The following EYS variants were observed in gnomAD, a reference collection of about 807,000 sequenced individuals.
The protein encoded by EYS is EGF-like photoreceptor maintenance factor.
In EYS, 250 loss-of-function variants were observed where a neutral mutation model predicts 282.1. The ratio of observed to expected loss-of-function variants is 0.89; its 90% confidence interval spans 0.80 to 0.98. The LOEUF is 0.98. Among genes scored for constraint, EYS ranks in the 50% least tolerant of loss-of-function variants. EYS has a pLI of 0.00. For synonymous variants in EYS, 1,355 were observed against 1,282.9 expected (o/e 1.06, Z -1.20); for missense variants, 4,016 against 3,709.0 (o/e 1.08, Z -2.15).
At position 64,254,452 on chromosome 6, in the gene EYS, G is replaced by A. The variant is rs149430660; in HGVS notation, c.6192-23628C>T. 4.8e-3 allele frequency among the ~76,000 whole-genome samples: 733 copies of A among 152,078 alleles called. 2 individuals carry two copies. The highest frequency in any genetic ancestry group is 0.01 in the Middle Eastern group (3 of 294). On this transcript the variant is annotated intron_variant, in intron 30 of 42. Transcript: ENST00000503581. The stretch of plus-strand genomic sequence containing the variant: ...TACTACATCAATGGGGCCCCTCTGC[G>A]CTCTGTATTTTAGACTATTTGGCCC...
At chr6:64,728,451 T>C (rs1039253676) in intron 22 of EYS, among the ~76,000 whole-genome samples, 10 of 152,138 alleles carry the variant, frequency 6.6e-5, no homozygotes, top group South Asian at 6.2e-4. Context: ...TCTCCTGCCT[T>C]AGCCTCCTGA....
At chr6:64,614,943 G>T (rs1767224798) in intron 24 of EYS, among the ~76,000 whole-genome samples, 1 of 152,124 alleles carries the variant, frequency 6.6e-6, no homozygotes, top group South Asian at 2.1e-4. Flanking sequence ...ATACTGCAAC[G>T]TCCAGTGTTG....
At chr6:65,246,031 G>A (rs77326191) in intron 12 of EYS, among the ~76,000 whole-genome samples, 6,353 of 152,088 alleles carry the variant, frequency 0.042, 405 homozygotes, top group African/African-American at 0.14. Context: ...CCCTAGTACA[G>A]TAGACAGGAA....
chr6:64,880,583 C>A (rs1271664226), intron 19 of EYS, among the ~76,000 whole-genome samples: 1 of 151,386 alleles, frequency 6.6e-6, no homozygotes, highest in Admixed American at 6.6e-5. Flanking sequence ...ACCTAATCAA[C>A]TTTTTCCGTA....
chr6:64,670,346 A>G (rs1057073563), intron 22 of EYS, among the ~76,000 whole-genome samples: 1 of 151,934 alleles, frequency 6.6e-6, no homozygotes, highest in African/African-American at 2.4e-5. Context: ...CGAAGTCTAC[A>G]TTGCCTGATT....
At chr6:64,441,985 T>C (rs183524361) in intron 26 of EYS, among the ~76,000 whole-genome samples, 269 of 152,246 alleles carry the variant, frequency 1.8e-3, no homozygotes, top group African/African-American at 6.3e-3. Context: ...AATGTGGAAT[T>C]GACTTTGGAA....
intron 36 of EYS, among the ~76,000 whole-genome samples, chr6:63,826,126 G>A (rs1483039463): frequency 6.6e-6 from 1 of 152,092 alleles, no homozygotes; most frequent in Non-Finnish European, 1.5e-5. Context: ...CAATAGAATT[G>A]AACAAGTAGA....
chr6:65,704,224 G>C (rs1423940987), intron 1 of EYS, among the ~76,000 whole-genome samples: 1 of 152,140 alleles, frequency 6.6e-6, no homozygotes, highest in Non-Finnish European at 1.5e-5. Context: ...CACAAATACA[G>C]TGCATAGCAC....
intron 5 of EYS, among the ~76,000 whole-genome samples, chr6:65,410,893 T>A (rs1199159662): frequency 6.6e-6 from 1 of 151,988 alleles, no homozygotes; most frequent in Admixed American, 6.6e-5. Context: ...CTGCTATTTG[T>A]GAGAAGGATG....
intron 5 of EYS, among the ~76,000 whole-genome samples, chr6:65,471,473 T>G (rs2127240707): frequency 6.6e-6 from 1 of 152,206 alleles, no homozygotes; most frequent in Middle Eastern, 3.4e-3. Context: ...TCTGGGATTG[T>G]TTTTTATATT....
chr6:65,289,461 C>T (rs1399957181), intron 12 of EYS, among the ~76,000 whole-genome samples: 1 of 151,050 alleles, frequency 6.6e-6, no homozygotes, highest in Non-Finnish European at 1.5e-5. Flanking sequence ...TTGAGGACTA[C>T]TCCCAAATAT....
intron 35 of EYS, among the ~76,000 whole-genome samples, chr6:63,891,927 T>C (rs1562082358): frequency 1.3e-5 from 2 of 152,198 alleles, no homozygotes. Flanking sequence ...AGCATTCCTA[T>C]ACACCAATAA....
chr6:64,392,910 A>G (rs1337809873), intron 28 of EYS, among the ~76,000 whole-genome samples: 2 of 152,144 alleles, frequency 1.3e-5, no homozygotes, highest in East Asian at 3.9e-4. Flanking sequence ...AAGAGAGAAG[A>G]ATCAAATAGA....
At chr6:63,992,546 T>C (rs1333765543) in intron 34 of EYS, among the ~76,000 whole-genome samples, 5 of 151,808 alleles carry the variant, frequency 3.3e-5, no homozygotes, top group Admixed American at 2.0e-4. Context: ...GTATGTGATA[T>C]TGAAGTTATT....
At chr6:65,326,439 T>C (rs1157191866) in intron 11 of EYS, among the ~76,000 whole-genome samples, 1 of 151,458 alleles carries the variant, frequency 6.6e-6, no homozygotes, top group Non-Finnish European at 1.5e-5. Context: ...CATATGCATA[T>C]GACTCATATA....
chr6:65,621,231 G>C (rs1049652064), intron 2 of EYS, among the ~76,000 whole-genome samples: 1 of 152,112 alleles, frequency 6.6e-6, no homozygotes, highest in South Asian at 2.1e-4. Flanking sequence ...ATGAAACTTG[G>C]TGCTCCTGTA....
chr6:64,977,910 G>C (rs1770525533), intron 14 of EYS, among the ~76,000 whole-genome samples: 1 of 151,896 alleles, frequency 6.6e-6, no homozygotes, highest in Non-Finnish European at 1.5e-5. Context: ...AAAGTCTGAA[G>C]CTAGGAGAGG....
intron 13 of EYS, among the ~76,000 whole-genome samples, chr6:65,012,292 C>T (rs1009678886): frequency 6.6e-6 from 1 of 152,074 alleles, no homozygotes; most frequent in Non-Finnish European, 1.5e-5. Flanking sequence ...GCAGCACAAA[C>T]TTTTTCAACA....
At chr6:65,135,827 G>A (rs987580353) in intron 12 of EYS, among the ~76,000 whole-genome samples, 11 of 152,002 alleles carry the variant, frequency 7.2e-5, no homozygotes, top group African/African-American at 2.2e-4. Context: ...TTACTGGAAC[G>A]CAGCTTTATA....
Sources: gnomAD v4.1 joint callset for allele counts (sites outside exome capture counted in the v4.1 genomes callset) on GRCh38, gnomAD v4.1.1 for gene constraint, MANE v1.5 for transcripts, NCBI Gene and HGNC (gene_info 2026-07-23, HGNC 2026-07-21) for gene names.